ZNF81: variants seen among roughly 807,000 people sequenced by gnomAD.
ZNF81 encodes the protein zinc finger protein 81 (HFZ20).
A neutral mutation model predicts 32.3 loss-of-function variants in ZNF81; 5 were observed. The observed-to-expected ratio is 0.15, with a 90% CI of 0.08 to 0.33. The LOEUF is 0.33. Among genes scored for constraint, ZNF81 ranks in the 10% least tolerant of loss-of-function variants. The pLI is 1.00. For synonymous variants in ZNF81, 163 were observed against 166.8 expected, an observed-to-expected ratio of 0.98 and a Z score of 0.17; for missense variants, 379 against 479.8, an observed-to-expected ratio of 0.79 and a Z score of 1.96.
In ZNF81 at chrX:47,885,875, G is replaced by A. The variant is rs577099938; in HGVS notation, c.55-2124G>A. Among the ~76,000 whole-genome samples, 121 of 111,642 alleles carry A rather than the reference G, an allele frequency of 1.1e-3. 1 individual carries two copies. The highest frequency in any genetic ancestry group is 3.8e-3 in the African/African-American group (117 of 30,719). ...ACCATAGCATCATCCCTGAGACTCC[G>A]TTTGTTTTTATTTTCAATTTTGTTC... is the stretch of plus-strand genomic sequence containing the variant. On this transcript the variant is annotated intron_variant, in intron 2 of 4. Coordinates refer to ENST00000338637, the MANE Select transcript of ZNF81 (RefSeq NM_007137.5).
At chrX:47,879,022 T>C (rs1281992003) in intron 2 of ZNF81, among the ~76,000 whole-genome samples, 4 of 111,640 alleles carry the variant, frequency 3.6e-5, no homozygotes, top group Non-Finnish European at 5.6e-5. Flanking sequence ...TCTTCTCACA[T>C]TGGGTCACTC....
rs145246586 is a variant in ZNF81 at position 47,864,476 on chromosome X, G to T, written c.54+18155G>T. 5.7e-3 allele frequency among the ~76,000 whole-genome samples: 636 copies of T among 112,082 alleles called. 5 individuals are homozygous for T. The highest frequency in any genetic ancestry group is 0.019 in the African/African-American group (602 of 30,872). On this transcript the variant is annotated intron_variant, in intron 2 of 4. Coordinates refer to ENST00000338637, the MANE Select transcript of ZNF81 (RefSeq NM_007137.5). ...AGCTCTTAGAATGGGCTTAAGGAAT[G>T]ATGCCATCAATTTGCCAGGAGTGAG...
chrX:47,905,556 C>G (rs1361543732), intron 4 of ZNF81, among the ~76,000 whole-genome samples: 1 of 109,310 alleles, frequency 9.1e-6, no homozygotes, highest in Non-Finnish European at 1.9e-5. Flanking sequence ...TTTTCAAAAA[C>G]TATTTTTCAC....
At position 47,925,468 on chromosome X, in the gene ZNF81, ATGT is replaced by A. The variant is rs781819122; in HGVS notation, c.*8841_*8843del. ...AGCATAATAAGTTTGAGATTCATTCATGTTGTTATATGCGTCTATGTTCATTCC... is the reference window on the plus strand; with the variant it reads ...AGCATAATAAGTTTGAGATTCATTCATGTTATATGCGTCTATGTTCATTCC... On this transcript the variant is annotated 3_prime_UTR_variant, in exon 5 of 5. Coordinates refer to ENST00000338637, the MANE Select transcript of ZNF81 (RefSeq NM_007137.5). Among the ~76,000 whole-genome samples, 898 of 111,993 alleles carry A rather than the reference ATGT, an allele frequency of 8.0e-3. 12 individuals carry two copies. Among genetic ancestry groups the A allele is most frequent in the African/African-American group, 0.028 (864 of 30,914 alleles).
chrX:47,882,820 G>A (rs2058626134), intron 2 of ZNF81, among the ~76,000 whole-genome samples: 1 of 112,063 alleles, frequency 8.9e-6, no homozygotes. Flanking sequence ...GCAAAACTCT[G>A]TCTCTACTAA....
chrX:47,852,766 T>C (rs1556881392), intron 2 of ZNF81, among the ~76,000 whole-genome samples: 1 of 112,922 alleles, frequency 8.9e-6, no homozygotes, highest in African/African-American at 3.2e-5. Context: ...ACTTCTGTTA[T>C]TGCTGATATT....
intron 4 of ZNF81, among the ~76,000 whole-genome samples, chrX:47,911,002 A>G (rs782327372): frequency 9.0e-6 from 1 of 111,005 alleles, no homozygotes; most frequent in Non-Finnish European, 1.9e-5. Flanking sequence ...TCTGTTCCTA[A>G]TGGAAGCTGC....
chrX:47,889,077 G>T (rs1399236860), intron 3 of ZNF81, among the ~76,000 whole-genome samples: 3 of 111,739 alleles, frequency 2.7e-5, no homozygotes, highest in African/African-American at 6.5e-5. Flanking sequence ...ATTGAAGAAA[G>T]AATTGTTAGG....
At chrX:47,862,810 C>G (rs1556882758) in intron 2 of ZNF81, among the ~76,000 whole-genome samples, 1 of 111,537 alleles carries the variant, frequency 9.0e-6, no homozygotes, top group African/African-American at 3.3e-5. Context: ...TTGAATCTTA[C>G]TTTTATAGGT....
intron 4 of ZNF81, among the ~76,000 whole-genome samples, chrX:47,897,250 TC>T (rs1239496853): frequency 1.8e-5 from 2 of 112,120 alleles, no homozygotes; most frequent in Non-Finnish European, 3.8e-5. Flanking sequence ...ATCATCAAAC[TC>T]TTTTATTTTT....
In ZNF81 at chrX:47,923,237, C is replaced by T. The variant is rs782434803; in HGVS notation, c.*6605C>T. ...TTAGATACACCTCACTTCCTGAGCC[C>T]GCACAGGTCCCCCTACAACTCTCTG... On this transcript the variant is annotated 3_prime_UTR_variant, in exon 5 of 5. Transcript: ENST00000338637. 3.6e-5 allele frequency among the ~76,000 whole-genome samples: 4 copies of T among 111,138 alleles called. No homozygotes were observed. Among genetic ancestry groups the T allele is most frequent in the South Asian group, 7.6e-4 (2 of 2,628 alleles).
chrX:47,850,860 C>T (rs1325703668), intron 2 of ZNF81, among the ~76,000 whole-genome samples: 1 of 102,904 alleles, frequency 9.7e-6, no homozygotes, highest in African/African-American at 3.5e-5. Context: ...TCTGTCCATA[C>T]AAACACGTGC....
chrX:47,868,813 G>A (rs782523977), intron 2 of ZNF81, among the ~76,000 whole-genome samples: 1 of 109,463 alleles, frequency 9.1e-6, no homozygotes, highest in African/African-American at 3.3e-5. Flanking sequence ...AGGCTCAAGG[G>A]ATACATGTCT....
intron 4 of ZNF81, among the ~76,000 whole-genome samples, chrX:47,902,910 C>G (rs1430717762): frequency 9.0e-6 from 1 of 111,582 alleles, no homozygotes; most frequent in South Asian, 3.7e-4. Context: ...AAAATTAACG[C>G]AAATCAATAA....
chrX:47,882,995 C>A (rs782726733), intron 2 of ZNF81, among the ~76,000 whole-genome samples: 4 of 112,153 alleles, frequency 3.6e-5, no homozygotes, highest in African/African-American at 1.3e-4. Flanking sequence ...GTCTCAAAAA[C>A]AAAAACAAAA....
chrX:47,877,311 G>A (rs1305400693), intron 2 of ZNF81, among the ~76,000 whole-genome samples: 2 of 111,660 alleles, frequency 1.8e-5, no homozygotes, highest in Admixed American at 1.9e-4. Flanking sequence ...ACTCAGAGGG[G>A]CGTGTATGGT....
chrX:47,922,105 A>G lies in ZNF81; in HGVS notation c.*5473A>G, dbSNP rs2058778967. The G allele has an allele frequency of 8.9e-6, 1 of 112,088 alleles. No individual in the cohort carries two copies. The highest frequency in any genetic ancestry group is 3.2e-5 in the African/African-American group (1 of 30,792). The allele number at this position is 112,088 out of a possible 1,213,427, so 9.2% of individuals were successfully genotyped here. ...GTCACTAAGTTTTGGGCAGCATGATAACAACCCAGCAAAAAGCTAACTGAT... is the reference window on the plus strand; with the variant it reads ...GTCACTAAGTTTTGGGCAGCATGATGACAACCCAGCAAAAAGCTAACTGAT... On this transcript the variant is annotated 3_prime_UTR_variant, in exon 5 of 5. Transcript: ENST00000338637.
intron 4 of ZNF81, among the ~76,000 whole-genome samples, chrX:47,912,354 G>A (rs1483960511): frequency 2.8e-5 from 3 of 105,636 alleles, no homozygotes; most frequent in Non-Finnish European, 5.8e-5. Flanking sequence ...GGGGATAAGT[G>A]GATTTGATGA....
intron 2 of ZNF81, among the ~76,000 whole-genome samples, chrX:47,869,351 T>G (rs2058571795): frequency 8.9e-6 from 1 of 111,840 alleles, no homozygotes; most frequent in Non-Finnish European, 1.9e-5. Context: ...ACGGAGTTCA[T>G]CAGGAAAAAC....
Sources: allele counts gnomAD v4.1 joint callset (sites outside exome capture counted in the v4.1 genomes callset), GRCh38; gene constraint gnomAD v4.1.1; transcripts MANE v1.5; gene names NCBI Gene and HGNC (gene_info 2026-07-23, HGNC 2026-07-21).